Variants in MINK1 observed in about 807,000 individuals in gnomAD.
The protein encoded by MINK1 is misshapen-like kinase 1.
A neutral mutation model predicts 178.4 loss-of-function variants in MINK1; 46 were observed. That is an observed-to-expected ratio of 0.26 (90% CI 0.20 to 0.33). The LOEUF is 0.33. MINK1 is among the 10% of genes least tolerant of loss of function. MINK1 has a pLI of 1.00. For missense variants in MINK1, 1,366 were observed against 1,814.9 expected, an observed-to-expected ratio of 0.75 and a Z score of 4.49; for synonymous variants, 797 against 709.7, an observed-to-expected ratio of 1.12 and a Z score of -1.96.
intron 1 of MINK1, among the ~76,000 whole-genome samples, chr17:4,870,458 A>G (rs770747432): frequency 5.3e-5 from 8 of 152,054 alleles, no homozygotes; most frequent in Non-Finnish European, 1.0e-4. Flanking sequence ...TCCTATTATT[A>G]GTGATATTGA....
At chr17:4,874,561 G>C (rs1242363202) in intron 1 of MINK1, among the ~76,000 whole-genome samples, 1 of 152,168 alleles carries the variant, frequency 6.6e-6, no homozygotes, top group African/African-American at 2.4e-5. Flanking sequence ...GTCTGAGTTG[G>C]TGGACAAGCC....
chr17:4,858,383 G>A (rs891727428), intron 1 of MINK1, among the ~76,000 whole-genome samples: 1 of 151,920 alleles, frequency 6.6e-6, no homozygotes, highest in Non-Finnish European at 1.5e-5. Context: ...TGGCAGCCTT[G>A]TTCTTCCAAG....
intron 2 of MINK1, among the ~76,000 whole-genome samples, chr17:4,880,551 T>C (rs2150989035): frequency 6.8e-6 from 1 of 147,150 alleles, no homozygotes; most frequent in South Asian, 2.2e-4. Context: ...CCTCCCAAAG[T>C]GTTGGGATTA....
chr17:4,889,420 C>G (rs1968544142), intron 12 of MINK1, among the ~76,000 whole-genome samples: 1 of 152,124 alleles, frequency 6.6e-6, no homozygotes, highest in African/African-American at 2.4e-5. Flanking sequence ...ACCCCACAGG[C>G]AGCAGTCAGT....
At chr17:4,834,089 CCTCT>C (rs1332287433) in intron 1 of MINK1, among the ~76,000 whole-genome samples, 4 of 152,144 alleles carry the variant, frequency 2.6e-5, no homozygotes, top group South Asian at 2.1e-4. Context: ...GTCTCGACAG[CCTCT>C]CTCTCATCCC....
At chr17:4,872,134 G>A (rs145412735) in intron 1 of MINK1, among the ~76,000 whole-genome samples, 338 of 151,350 alleles carry the variant, frequency 2.2e-3, no homozygotes, top group Middle Eastern at 7.1e-3. Flanking sequence ...GTTTGACACT[G>A]GCCTGGACAA....
intron 1 of MINK1, among the ~76,000 whole-genome samples, chr17:4,855,502 G>C (rs1295416413): frequency 1.1e-5 from 1 of 91,264 alleles, no homozygotes; most frequent in Admixed American, 1.2e-4. Context: ...AAAAAAAAAG[G>C]CCGGGCACAG....
intron 17 of MINK1, 55 bp downstream of exon 17, chr17:4,892,289 A>G: frequency 1.3e-6 from 2 of 1,513,750 alleles, no homozygotes. Context: ...CCTAGGGAGT[A>G]GGGGGGGCAC....
Position 4,886,505 on chromosome 17 carries a change from C to T in MINK1, c.828C>T (p.Ser276=). 2 of 1,613,376 alleles carry T rather than the reference C, an allele frequency of 1.2e-6. No individual in the cohort carries two copies. The highest frequency in any genetic ancestry group is 1.1e-5 in the South Asian group (1 of 91,058). ...IDTCLIKTYL[S]RPPTEQLLKF... The stretch of plus-strand genomic sequence containing the variant: ...CATGTCTCATCAAGACTTACCTGAG[C>T]CGCCCACCCACGGAGCAGCTACTGA... Residue 276 remains serine, a synonymous_variant, in exon 10 of 32, where the codon AGC becomes AGT. Coordinates refer to ENST00000355280, the MANE Select transcript of MINK1 (RefSeq NM_153827.5). The surrounding 1 kb of genome is among the most constrained non-coding windows in gnomAD (Gnocchi z 6.1).
chr17:4,839,937 TAATGTG>T (rs911752955), intron 1 of MINK1, among the ~76,000 whole-genome samples: 3 of 119,714 alleles, frequency 2.5e-5, no homozygotes, highest in South Asian at 3.2e-4. Flanking sequence ...AATTATTTAT[TAATGTG>T]TGTGTGTGTG....
At chr17:4,873,056 T>C (rs1178540984) in intron 1 of MINK1, among the ~76,000 whole-genome samples, 1 of 152,140 alleles carries the variant, frequency 6.6e-6, no homozygotes, top group Admixed American at 6.5e-5. Flanking sequence ...GTGGGATTTT[T>C]TTCAGTGCCC....
At chr17:4,888,818 C>T (rs1264308461) in intron 12 of MINK1, among the ~76,000 whole-genome samples, 2 of 151,582 alleles carry the variant, frequency 1.3e-5, no homozygotes, top group Non-Finnish European at 2.9e-5. Context: ...CTGCCTCAGC[C>T]TCCTGAGGAG....
chr17:4,896,000 C>T lies in MINK1; in HGVS notation c.3365-3C>T. On this transcript the variant is annotated splice_region_variant and splice_polypyrimidine_tract_variant and intron_variant, in intron 27 of 31. Transcript: ENST00000355280. This position sits in a 1 kb window ranked among gnomAD's most constrained non-coding sequence, Gnocchi z 4.3. The stretch of plus-strand genomic sequence containing the variant: ...CAGCATCCCTCTTCTCTCCCGCCCC[C>T]AGTGAAATACGAGCGGATTAAGTTC... The T allele has an allele frequency of 2.5e-6, 4 of 1,591,494 alleles. No homozygotes were observed. Among genetic ancestry groups the T allele is most frequent in the Non-Finnish European group, 3.4e-6 (4 of 1,168,992 alleles).
intron 1 of MINK1, among the ~76,000 whole-genome samples, chr17:4,851,748 C>T (rs1911999607): frequency 6.6e-6 from 1 of 152,012 alleles, no homozygotes; most frequent in Admixed American, 6.6e-5. Context: ...CGCCTGTAAT[C>T]CCAGCACTTT....
chr17:4,857,306 G>C (rs141383240), intron 1 of MINK1: 137 of 186,002 alleles, frequency 7.4e-4, no homozygotes, highest in Admixed American at 2.1e-3. Context: ...CCAGGCCACT[G>C]GAGACCATGG....
In MINK1 at chr17:4,897,361, T is replaced by C. The variant is rs748792686; in HGVS notation, c.*74T>C. On this transcript the variant is annotated 3_prime_UTR_variant, in exon 32 of 32. Coordinates refer to ENST00000355280, the MANE Select transcript of MINK1 (RefSeq NM_153827.5). ...GCAGCCAGGCTTCCCGGGCCGCCCC[T>C]CTTTCCCCTCCCTGGGCTTTTGCTT... 3 of 1,387,116 alleles carry C rather than the reference T, an allele frequency of 2.2e-6. No homozygotes were observed. The highest frequency in any genetic ancestry group is 2.4e-5 in the South Asian group (2 of 83,972). 85.9% of individuals were successfully genotyped at this position (1,387,116 alleles called of 1,614,324 possible).
intron 1 of MINK1, among the ~76,000 whole-genome samples, chr17:4,840,163 G>A (rs965185509): frequency 1.8e-4 from 28 of 152,118 alleles, no homozygotes; most frequent in African/African-American, 6.3e-4. Flanking sequence ...TGAGAGAGAC[G>A]TAAATCATGT....
chr17:4,896,945 A>T lies in MINK1; in HGVS notation c.3915+132A>T. 4.1e-6 allele frequency: 5 copies of T among 1,225,740 alleles called. No individual in the cohort carries two copies. Among genetic ancestry groups the T allele is most frequent in the Non-Finnish European group, 5.6e-6 (5 of 899,586 alleles). The allele number at this position is 1,225,740 out of a possible 1,614,324, so 75.9% of individuals were successfully genotyped here. ...GGGCCCCTCTGGGAGCTCAGAGGGC[A>T]GTCAGCCACTACCACTGCCCTGCGC... On this transcript the variant is annotated intron_variant, in intron 31 of 31. Transcript: ENST00000355280. This position sits in a 1 kb window ranked among gnomAD's most constrained non-coding sequence, Gnocchi z 4.6.
chr17:4,873,617 C>CTTTTTTT lies in MINK1; in HGVS notation c.58-4687_58-4681dup, dbSNP rs71367860. Among the ~76,000 whole-genome samples, 13 of 108,084 alleles carry CTTTTTTT rather than the reference C, an allele frequency of 1.2e-4. 3 individuals are homozygous for CTTTTTTT. Among genetic ancestry groups the CTTTTTTT allele is most frequent in the Non-Finnish European group, 1.5e-4 (8 of 52,224 alleles). 70.9% of individuals were successfully genotyped at this position (108,084 alleles called of 152,430 possible). A position where few individuals can be genotyped will look rare whatever the true frequency, so the allele number is the denominator to read the frequency against. ...GGTCTTCGCCACTCTTTTTTCTTTT[C>CTTTTTTT]TTTTTTTTTTTTTTTTTTTGAGAAG... On this transcript the variant is annotated intron_variant, in intron 1 of 31. Transcript: ENST00000355280.
Sources: gnomAD v4.1 joint callset for allele counts (sites outside exome capture counted in the v4.1 genomes callset) on GRCh38, gnomAD v4.1.1 for gene constraint, Gnocchi (gnomAD v3.1) non-coding constraint, MANE v1.5 for transcripts, NCBI Gene and HGNC (gene_info 2026-07-23, HGNC 2026-07-21) for gene names.